The following SOX6 variants were observed in gnomAD, a reference collection of about 807,000 sequenced individuals.
SOX6 encodes transcription factor SOX-6.
In SOX6, 11 loss-of-function variants were observed where a neutral mutation model predicts 97.8. The ratio of observed to expected loss-of-function variants is 0.11; its 90% CI spans 0.07 to 0.19. SOX6 has a LOEUF of 0.19. Ranked by LOEUF, SOX6 falls within the 10% of genes least tolerant of loss-of-function variation. SOX6 has a pLI of 1.00. For synonymous variants in SOX6, 360 were observed against 371.4 expected (o/e 0.97, Z 0.35); for missense variants, 810 against 1,039.5 (o/e 0.78, Z 3.04).
intron 1 of SOX6, among the ~76,000 whole-genome samples, chr11:16,438,145 G>A (rs1056595459): frequency 2.0e-5 from 3 of 151,890 alleles, no homozygotes; most frequent in Non-Finnish European, 4.4e-5. Context: ...GTATATGTGT[G>A]TATACATATA....
intron 13 of SOX6, among the ~76,000 whole-genome samples, chr11:16,004,394 C>G (rs902906061): frequency 3.3e-5 from 5 of 151,974 alleles, no homozygotes; most frequent in African/African-American, 1.2e-4. Flanking sequence ...TTTTAAAACT[C>G]CTAACATGAC....
At chr11:16,012,691 T>C (rs1365283451) in intron 13 of SOX6, among the ~76,000 whole-genome samples, 2 of 152,000 alleles carry the variant, frequency 1.3e-5, no homozygotes, top group African/African-American at 2.4e-5. Flanking sequence ...GTGGGGGCAG[T>C]ATGGCAGGCT....
chr11:16,191,036 C>T (rs1377373844), intron 4 of SOX6, among the ~76,000 whole-genome samples: 3 of 152,100 alleles, frequency 2.0e-5, no homozygotes, highest in Admixed American at 2.0e-4. Context: ...AAAGGAACTA[C>T]AATTGTAAGA....
intron 1 of SOX6, among the ~76,000 whole-genome samples, chr11:16,456,982 T>C (rs1251742576): frequency 1.3e-5 from 2 of 152,106 alleles, no homozygotes. Flanking sequence ...TCATACCTTA[T>C]ATTCTATCTT....
intron 4 of SOX6, among the ~76,000 whole-genome samples, chr11:16,602,788 G>A (rs1228513384): frequency 1.3e-5 from 2 of 152,036 alleles, no homozygotes; most frequent in African/African-American, 4.8e-5. Flanking sequence ...TTGGGAGGCC[G>A]AGGCAGGCAG....
intron 6 of SOX6, among the ~76,000 whole-genome samples, chr11:16,166,373 T>A (rs981610565): frequency 2.0e-5 from 3 of 152,352 alleles, no homozygotes; most frequent in African/African-American, 7.2e-5. Flanking sequence ...TTGTTTCATA[T>A]GTGTGCTTCT....
intron 2 of SOX6, among the ~76,000 whole-genome samples, chr11:16,728,460 A>C (rs575791649): frequency 6.6e-6 from 1 of 152,338 alleles, no homozygotes; most frequent in South Asian, 2.1e-4. Context: ...GACCTCCAGC[A>C]AATACCAGCA....
intron 4 of SOX6, among the ~76,000 whole-genome samples, chr11:16,593,409 C>G (rs187448273): frequency 3.0e-3 from 458 of 152,000 alleles, no homozygotes; most frequent in Admixed American, 8.0e-3. Context: ...GTAAAGACAC[C>G]AAGGCCATGG....
intron 3 of SOX6, among the ~76,000 whole-genome samples, chr11:16,709,467 G>C (rs1848160941): frequency 6.6e-6 from 1 of 151,796 alleles, no homozygotes; most frequent in Non-Finnish European, 1.5e-5. Context: ...GCAGTGAGTT[G>C]AGATCGTGCG....
In SOX6 at chr11:16,234,617, C is replaced by T. The variant is rs899609872; in HGVS notation, c.500G>A (p.Arg167Lys). 8 of 1,599,518 alleles carry T rather than the reference C, an allele frequency of 5.0e-6. No homozygotes were observed. Among genetic ancestry groups the T allele is most frequent in the Non-Finnish European group, 6.8e-6 (8 of 1,169,780 alleles). ...TCCAAGAAGTTCACTGGTATTTAGT[C>T]TTTCCATTTTTTCCTTCCAATCTTT... ...LSKDWKEKME[R>K]LNTSELLGEI... Residue 167 changes from arginine to lysine, a missense_variant, in exon 4 of 16, where the codon AGA (arginine) becomes AAA (lysine). Arg to Lys is a conservative substitution (Grantham distance 26). This residue lies in a region of SOX6 where 110 missense variants were observed against 119.0 expected (regional missense o/e 0.92). Coordinates refer to ENST00000683767, the MANE Select transcript of SOX6 (RefSeq NM_001367873.1).
Position 16,341,396 on chromosome 11 carries a change from ACTC to A in SOX6, c.-4-147_-4-145del, listed in dbSNP as rs1303825715. On this transcript the variant is annotated intron_variant, in intron 1 of 15. Coordinates refer to ENST00000683767, the MANE Select transcript of SOX6 (RefSeq NM_001367873.1). ...GTCCACTCTAAACCCCTGAAAAAGAACTCCTGGCTTATGTGTCCTTCTTTCCCT... is the reference window on the plus strand; with the variant it reads ...GTCCACTCTAAACCCCTGAAAAAGAACTGGCTTATGTGTCCTTCTTTCCCT... 5 of 1,160,360 alleles carry A rather than the reference ACTC, an allele frequency of 4.3e-6. No individual in the cohort carries two copies. The East Asian group carries it at 1.3e-4, about 30-fold the overall frequency. 71.9% of individuals were successfully genotyped at this position (1,160,360 alleles called of 1,614,324 possible). A position where few individuals can be genotyped will look rare whatever the true frequency, so the allele number is the denominator to read the frequency against.
intron 4 of SOX6, among the ~76,000 whole-genome samples, chr11:16,525,103 A>C (rs1323367947): frequency 6.6e-5 from 10 of 152,262 alleles, no homozygotes; most frequent in South Asian, 2.1e-4. Context: ...GCTACCAAGG[A>C]CTTTCTTCAC....
At chr11:16,277,296 C>T (rs1173335836) in intron 3 of SOX6, among the ~76,000 whole-genome samples, 1 of 152,020 alleles carries the variant, frequency 6.6e-6, no homozygotes, top group African/African-American at 2.4e-5. Context: ...CCCTCTTATC[C>T]CTCTCACTGC....
At chr11:16,384,605 T>A (rs1277912155) in intron 1 of SOX6, among the ~76,000 whole-genome samples, 1 of 151,860 alleles carries the variant, frequency 6.6e-6, no homozygotes. Flanking sequence ...AAAAAAAATG[T>A]TTAAACAACT....
chr11:16,081,168 T>C (rs1743398543), intron 9 of SOX6, among the ~76,000 whole-genome samples: 1 of 152,138 alleles, frequency 6.6e-6, no homozygotes, highest in Admixed American at 6.6e-5. Context: ...TTTGGGCTAA[T>C]GGAGTTTCTG....
At chr11:16,130,762 T>A (rs2134019007) in intron 6 of SOX6, among the ~76,000 whole-genome samples, 1 of 152,050 alleles carries the variant, frequency 6.6e-6, no homozygotes, top group Non-Finnish European at 1.5e-5. Flanking sequence ...ATGGTATTGG[T>A]TTAAGGATGG....
At chr11:16,375,577 G>A (rs1565119987) in intron 1 of SOX6, among the ~76,000 whole-genome samples, 1 of 151,930 alleles carries the variant, frequency 6.6e-6, no homozygotes, top group Non-Finnish European at 1.5e-5. Flanking sequence ...TATTTCTGTG[G>A]TGAATATTAT....
chr11:16,115,439 A>T (rs77762763), intron 6 of SOX6, among the ~76,000 whole-genome samples: 1,592 of 152,260 alleles, frequency 0.01, 23 homozygotes, highest in African/African-American at 0.036. Context: ...TAAAACACAG[A>T]TTGCTTCCTT....
In SOX6 at chr11:16,142,304, A is replaced by T. The variant is rs1221881503; in HGVS notation, c.778-30381T>A. On this transcript the variant is annotated intron_variant, in intron 6 of 15. Transcript: ENST00000683767. ...GCAGCTGAGGGTCCTGACTGTTAGA[A>T]GGAAAACTAACAAACAGAAAGGACA... Among the ~76,000 whole-genome samples the T allele has an allele frequency of 2.0e-5, 3 of 152,220 alleles. No individual in the cohort carries two copies. The East Asian group carries it at 5.8e-4, about 29-fold the overall frequency.
Sources: allele counts gnomAD v4.1 joint callset (sites outside exome capture counted in the v4.1 genomes callset), GRCh38; gene constraint gnomAD v4.1.1; regional missense constraint gnomAD v4.1.1; transcripts MANE v1.5; gene names NCBI Gene and HGNC (gene_info 2026-07-23, HGNC 2026-07-21).